The following SNX24 variants were observed in gnomAD, a reference collection of about 807,000 sequenced individuals.
SNX24 encodes the protein sorting nexin-24.
Under a neutral mutation model 28.7 loss-of-function variants are expected in SNX24, and 22 were observed. That is an observed-to-expected ratio of 0.77 (90% CI 0.55 to 1.10). The LOEUF (loss-of-function observed/expected upper bound fraction) is 1.10, where lower values mean the gene tolerates loss of function less well. Among genes scored for constraint, SNX24 ranks in the 50% least tolerant of loss-of-function variants. The pLI is 0.00. For missense variants in SNX24, 221 were observed against 201.1 expected (o/e 1.10, Z -0.60); for synonymous variants, 69 against 71.5 (o/e 0.96, Z 0.18).
At chr5:122,885,449 T>G (rs1756664462) in intron 1 of SNX24, among the ~76,000 whole-genome samples, 1 of 151,610 alleles carries the variant, frequency 6.6e-6, no homozygotes, top group Non-Finnish European at 1.5e-5. Flanking sequence ...TGTATCATCT[T>G]CTTTTGTACA....
intron 1 of SNX24, among the ~76,000 whole-genome samples, chr5:122,847,533 AC>A (rs1451664187): frequency 8.5e-6 from 1 of 118,020 alleles, no homozygotes; most frequent in Non-Finnish European, 1.6e-5. Flanking sequence ...TTCCTCTGTC[AC>A]CCAGGCTGGA....
At chr5:122,889,729 A>ATATATATATGTGTATATATGTATGTG (rs1554069824) in intron 1 of SNX24, among the ~76,000 whole-genome samples, 1 of 14,630 alleles carries the variant, frequency 6.8e-5, no homozygotes, top group African/African-American at 4.1e-4. Context: ...ATGTATGTGT[A>ATATATATATGTGTATATATGTATGTG]TATATATATA....
chr5:122,996,564 G>T (rs1762060065), intron 3 of SNX24, among the ~76,000 whole-genome samples: 1 of 152,172 alleles, frequency 6.6e-6, no homozygotes, highest in South Asian at 2.1e-4. Context: ...GATAAAATAG[G>T]TTGTTGGAAA....
At chr5:122,886,898 GT>G (rs1239663985) in intron 1 of SNX24, among the ~76,000 whole-genome samples, 1 of 151,972 alleles carries the variant, frequency 6.6e-6, no homozygotes, top group Admixed American at 6.6e-5. Flanking sequence ...GCACACCTTA[GT>G]TACTGTTCTC....
intron 1 of SNX24, among the ~76,000 whole-genome samples, chr5:122,904,184 T>C (rs1204206139): frequency 2.0e-5 from 3 of 151,984 alleles, no homozygotes; most frequent in Non-Finnish European, 4.4e-5. Context: ...CTTTTTTTTT[T>C]GTTTTCTTTT....
rs909912211 is a variant in SNX24, at chr5:122,936,756, T to C, written c.83T>C (p.Met28Thr). ...CAGGTGTTTAAGATAGAAGTGCTAATGAATGGAAGAAAACATTTTGTTGAA... is the reference window on the plus strand; with the variant it reads ...CAGGTGTTTAAGATAGAAGTGCTAACGAATGGAAGAAAACATTTTGTTGAA... ...GYTVFKIEVL[M>T]NGRKHFVEKR... Residue 28 changes from methionine to threonine, a missense_variant, in exon 2 of 7, where the codon ATG becomes ACG. By Grantham distance (81) the Met-to-Thr change is moderately conservative. Coordinates refer to ENST00000261369, the MANE Select transcript of SNX24 (RefSeq NM_014035.4). 1.2e-6 allele frequency: 2 copies of C among 1,603,176 alleles called. No homozygotes were observed. The highest frequency in any genetic ancestry group is 1.7e-6 in the Non-Finnish European group (2 of 1,171,318).
chr5:122,953,271 AT>A (rs1213569500), intron 3 of SNX24, among the ~76,000 whole-genome samples: 1 of 151,910 alleles, frequency 6.6e-6, no homozygotes, highest in Non-Finnish European at 1.5e-5. Flanking sequence ...TGCCCTGCTA[AT>A]TTTTGTATTT....
At chr5:122,901,098 G>C (rs1433218367) in intron 1 of SNX24, among the ~76,000 whole-genome samples, 1 of 151,798 alleles carries the variant, frequency 6.6e-6, no homozygotes, top group South Asian at 2.1e-4. Context: ...CTACTCAGGA[G>C]GTTGAGGTAG....
intron 2 of SNX24, among the ~76,000 whole-genome samples, chr5:122,940,807 A>G (rs982758455): frequency 2.0e-5 from 3 of 152,344 alleles, no homozygotes; most frequent in African/African-American, 7.2e-5. Flanking sequence ...TCTTGACCTC[A>G]GGACATCCAC....
chr5:122,895,736 A>G (rs929974760), intron 1 of SNX24, among the ~76,000 whole-genome samples: 2 of 152,248 alleles, frequency 1.3e-5, no homozygotes, highest in African/African-American at 4.8e-5. Context: ...AGCCTAAGAA[A>G]ATCCCCATTT....
chr5:122,912,336 G>A (rs919252340), intron 1 of SNX24, among the ~76,000 whole-genome samples: 2 of 150,348 alleles, frequency 1.3e-5, no homozygotes, highest in East Asian at 3.9e-4. Context: ...CTGAGACTTT[G>A]CTGAAGTTGC....
rs1443632458 is a variant in SNX24, at chr5:122,861,341, C to T, written c.60+15648C>T. ...GGTGACAGAGCGAGACTTTGTCCAC[C>T]ACCCCTCCCAAAAAAAGAAACTTGA... On this transcript the variant is annotated intron_variant, in intron 1 of 6. Transcript: ENST00000261369. 3.3e-5 allele frequency among the ~76,000 whole-genome samples: 5 copies of T among 152,122 alleles called. No homozygotes were observed. In the East Asian group the frequency reaches 5.8e-4, roughly 18 times the overall value.
At chr5:122,952,564 G>A (rs887160775) in intron 3 of SNX24, among the ~76,000 whole-genome samples, 1 of 152,074 alleles carries the variant, frequency 6.6e-6, no homozygotes, top group South Asian at 2.1e-4. Flanking sequence ...CAAGCCACCC[G>A]GGCTACTTTC....
At position 122,936,811 on chromosome 5, in the gene SNX24, CA is replaced by C; in HGVS notation, c.143del (p.Lys48SerfsTer6). 1 of 1,600,858 alleles carries C rather than the reference CA, an allele frequency of 6.2e-7. No homozygotes were observed. Among genetic ancestry groups the C allele is most frequent in the Admixed American group, 1.7e-5 (1 of 59,712 alleles). Reference protein sequence around the residue: ...KRYSEFHALHKKLKKCIKTPE... With the variant: ...KRYSEFHALHXKLKKCIKTPE... ...GATACAGCGAATTTCATGCTTTGCA[CA>C]AAAAGGTAACTTGTTTTCTGTTTTT... On this transcript the variant is annotated frameshift_variant, in exon 2 of 7. Transcript: ENST00000261369. LOFTEE classifies it high-confidence loss of function.
chr5:122,928,883 T>A lies in SNX24; in HGVS notation c.61-7851T>A, dbSNP rs191569283. Among the ~76,000 whole-genome samples, 1,251 of 149,826 alleles carry A rather than the reference T, an allele frequency of 8.3e-3. 19 individuals carry two copies. The highest frequency in any genetic ancestry group is 0.029 in the African/African-American group (1,185 of 40,910). Reference sequence around the variant, plus strand: ...ATGGTTTTCTGTTCTTGCTCAAGTATTATTTTACCATCAAGACCTCACCCA... The same window carrying A: ...ATGGTTTTCTGTTCTTGCTCAAGTAATATTTTACCATCAAGACCTCACCCA... On this transcript the variant is annotated intron_variant, in intron 1 of 6. Coordinates refer to ENST00000261369, the MANE Select transcript of SNX24 (RefSeq NM_014035.4).
intron 3 of SNX24, among the ~76,000 whole-genome samples, chr5:122,947,787 T>G (rs953860657): frequency 2.6e-5 from 4 of 152,242 alleles, no homozygotes; most frequent in African/African-American, 9.6e-5. Context: ...CATTCTTATT[T>G]GTAAGCCAGA....
At chr5:123,023,807 A>ACAC (rs1554081579) in intron 5 of SNX24, 3 of 1,294,944 alleles carry the variant, frequency 2.3e-6, no homozygotes, top group African/African-American at 3.1e-5. Flanking sequence ...AAGACAACAC[A>ACAC]ACACACACAC....
intron 1 of SNX24, among the ~76,000 whole-genome samples, chr5:122,907,469 A>T (rs943427217): frequency 6.6e-6 from 1 of 152,194 alleles, no homozygotes; most frequent in Non-Finnish European, 1.5e-5. Context: ...TCTTTCACCT[A>T]GGAGTCACGG....
intron 1 of SNX24, among the ~76,000 whole-genome samples, chr5:122,879,901 G>C (rs759933568): frequency 9.9e-5 from 15 of 152,284 alleles, no homozygotes; most frequent in Non-Finnish European, 2.1e-4. Context: ...AGATGACTTA[G>C]AACAATACTT....
Sources: gnomAD v4.1 joint callset for allele counts (sites outside exome capture counted in the v4.1 genomes callset) on GRCh38, gnomAD v4.1.1 for gene constraint, MANE v1.5 for transcripts, NCBI Gene and HGNC (gene_info 2026-07-23, HGNC 2026-07-21) for gene names.